Variants in TEX9 observed in about 807,000 individuals in gnomAD.
TEX9 encodes the protein testis expressed 9, also known as testis-expressed protein 9.
Under a neutral mutation model 59.6 loss-of-function variants are expected in TEX9, and 74 were observed. That is an observed-to-expected ratio of 1.24 (90% CI 1.03 to 1.51). TEX9 has a LOEUF of 1.51. Among genes scored for constraint, TEX9 ranks in the 40% most tolerant of loss-of-function variants. The pLI is 0.00. For missense variants in TEX9, 522 were observed against 447.8 expected (o/e 1.17, Z -1.49); for synonymous variants, 186 against 152.2 (o/e 1.22, Z -1.64).
chr15:56,272,564 A>G (rs1247003777), intron 1 of TEX9, among the ~76,000 whole-genome samples: 1 of 152,304 alleles, frequency 6.6e-6, no homozygotes, highest in African/African-American at 2.4e-5. Context: ...TAATGCTGCT[A>G]TGAACATTCA....
chr15:56,434,296 C>T, intron 12 of TEX9: 3 of 1,613,904 alleles, frequency 1.9e-6, no homozygotes, highest in Non-Finnish European at 2.5e-6. Flanking sequence ...TTCTCCTCTT[C>T]CTCTTTTGCA....
chr15:56,246,178 C>T (rs1330087639), intron 1 of TEX9, among the ~76,000 whole-genome samples: 6 of 152,184 alleles, frequency 3.9e-5, no homozygotes, highest in African/African-American at 1.4e-4. Context: ...GCCAGGTCAC[C>T]CCAGCAGCCA....
At chr15:56,306,321 T>C (rs1196079841) in intron 1 of TEX9, among the ~76,000 whole-genome samples, 2 of 150,094 alleles carry the variant, frequency 1.3e-5, no homozygotes, top group African/African-American at 4.9e-5. Flanking sequence ...TCCATGTGCA[T>C]TGCAGTACTA....
intron 7 of TEX9, among the ~76,000 whole-genome samples, chr15:56,392,559 G>C (rs547545178): frequency 3.3e-5 from 5 of 152,188 alleles, no homozygotes; most frequent in African/African-American, 7.2e-5. Context: ...CATGAGATTT[G>C]GGTGGGGACA....
At chr15:56,269,968 C>T (rs1343359117) in intron 1 of TEX9, among the ~76,000 whole-genome samples, 1 of 152,064 alleles carries the variant, frequency 6.6e-6, no homozygotes, top group African/African-American at 2.4e-5. Context: ...GAGTGAGTTT[C>T]TTAATCCTGA....
chr15:56,301,922 A>G (rs1182623544), intron 1 of TEX9, among the ~76,000 whole-genome samples: 1 of 152,214 alleles, frequency 6.6e-6, no homozygotes, highest in Non-Finnish European at 1.5e-5. Context: ...TTGTGTGTAA[A>G]CTACTCATAT....
intron 1 of TEX9, among the ~76,000 whole-genome samples, chr15:56,307,313 G>A (rs577957494): frequency 6.6e-6 from 1 of 152,288 alleles, no homozygotes; most frequent in Non-Finnish European, 1.5e-5. Flanking sequence ...GCCTGCATCT[G>A]TTACCCAATT....
intron 10 of TEX9, among the ~76,000 whole-genome samples, 177 bp downstream of exon 10, chr15:56,412,613 T>A (rs1309461034): frequency 2.0e-5 from 3 of 152,208 alleles, no homozygotes; most frequent in African/African-American, 7.2e-5. Context: ...GATGATATGC[T>A]TGTCTGTCGC....
chr15:56,391,286 GCCA>G, exon 7 of TEX9: 1 of 1,584,700 alleles, frequency 6.3e-7, no homozygotes, highest in Non-Finnish European at 8.6e-7. Context: ...CGACGATGTT[GCCA>G]TTCCAGAGGA....
rs188567986 is a variant in TEX9, at chr15:56,410,869, C to T, written c.829-1433C>T. On this transcript the variant is annotated intron_variant, in intron 9 of 12. Transcript: ENST00000352903. ...TTTCTATGTGAACAGTGAGATAAAT[C>T]AAGCTAGCTCTTCCTGTAGCTACCA... is the stretch of plus-strand genomic sequence containing the variant. Among the ~76,000 whole-genome samples, 334 of 152,290 alleles carry T rather than the reference C, an allele frequency of 2.2e-3. 3 individuals are homozygous for T. The highest frequency in any genetic ancestry group is 7.6e-3 in the African/African-American group (314 of 41,564).
intron 2 of TEX9, among the ~76,000 whole-genome samples, chr15:56,370,322 A>G (rs368649906): frequency 6.6e-5 from 10 of 152,184 alleles, no homozygotes; most frequent in East Asian, 5.8e-4. Context: ...TTAATCATCA[A>G]TTTTTTTATA....
At chr15:56,321,872 AAC>A (rs772289520) in intron 1 of TEX9, among the ~76,000 whole-genome samples, 31 of 152,040 alleles carry the variant, frequency 2.0e-4, no homozygotes, top group Non-Finnish European at 3.7e-4. Flanking sequence ...AGGGTCTAAA[AAC>A]AATAGAGATG....
Position 56,436,127 on chromosome 15 carries a change from C to T in TEX9, c.*29+7654C>T, listed in dbSNP as rs180677356. Among the ~76,000 whole-genome samples the T allele has an allele frequency of 1.9e-3, 287 of 152,254 alleles. 1 individual carries two copies. The Middle Eastern group carries it at 0.024, about 13-fold the overall frequency. The stretch of plus-strand genomic sequence containing the variant: ...AGACCTAATAGACATCTACAGAACT[C>T]TCCAGCCCAAATCAACAGAATATAC... On this transcript the variant is annotated intron_variant, in intron 12 of 12. Transcript: ENST00000352903.
At chr15:56,344,012 A>C (rs930834136) in intron 1 of TEX9, among the ~76,000 whole-genome samples, 25 of 152,214 alleles carry the variant, frequency 1.6e-4, no homozygotes, top group African/African-American at 6.0e-4. Context: ...TAAGATGGAC[A>C]ATAACAAATG....
At chr15:56,408,515 T>A (rs1456145623) in intron 9 of TEX9, 2 of 152,242 alleles carry the variant, frequency 1.3e-5, no homozygotes, top group African/African-American at 4.8e-5. Context: ...TATATATACG[T>A]TGATCATCCT....
intron 10 of TEX9, 81 bp from the exon 11 acceptor site, chr15:56,427,524 T>C: frequency 3.1e-6 from 3 of 965,452 alleles, no homozygotes; most frequent in Non-Finnish European, 2.9e-6. Flanking sequence ...TACTTTTTAT[T>C]ACTGTTGTGA....
rs766684322 is a variant in TEX9 at position 56,443,797 on chromosome 15, A to C, written c.*30-1874A>C. ...TTCTCCAGAGAGCCTGCTCTTTCTG[A>C]AACTCTTCTATATACCTTCGCATTG... On this transcript the variant is annotated intron_variant, in intron 12 of 12. Coordinates refer to ENST00000352903, the Ensembl canonical transcript of TEX9. 3.1e-6 allele frequency: 5 copies of C among 1,612,694 alleles called. No individual in the cohort carries two copies. The Admixed American group carries it at 8.3e-5, about 27-fold the overall frequency.
chr15:56,370,786 A>C (rs1473617289), intron 2 of TEX9, among the ~76,000 whole-genome samples: 2 of 152,090 alleles, frequency 1.3e-5, no homozygotes, highest in Non-Finnish European at 2.9e-5. Flanking sequence ...TCTTCATGAG[A>C]TCCATGTCTT....
the TEX9 span, among the ~76,000 whole-genome samples, chr15:56,452,073 T>C: frequency 8.5e-5 from 13 of 152,356 alleles, no homozygotes; most frequent in East Asian, 1.9e-3. Flanking sequence ...ATATCTTCTT[T>C]CTACTTGTCT....
Sources: gnomAD v4.1 joint callset for allele counts (sites outside exome capture counted in the v4.1 genomes callset) on GRCh38, gnomAD v4.1.1 for gene constraint, MANE v1.5 for transcripts, NCBI Gene and HGNC (gene_info 2026-07-23, HGNC 2026-07-21) for gene names.